The following TRPM1 variants were observed in gnomAD, a reference collection of about 807,000 sequenced individuals.
TRPM1 encodes TRPM1-203 APA Isoform, Intron 10.
In TRPM1, 113 loss-of-function variants were observed where a neutral mutation model predicts 149.4. That is an observed-to-expected ratio of 0.76 (90% confidence interval 0.65 to 0.88). The LOEUF is 0.88. Ranked by LOEUF, TRPM1 falls within the 40% of genes least tolerant of loss-of-function variation. TRPM1 has a pLI of 0.00. For synonymous variants in TRPM1, 741 were observed against 759.5 expected, an observed-to-expected ratio of 0.98 and a Z score of 0.40; for missense variants, 1,976 against 2,038.7, an observed-to-expected ratio of 0.97 and a Z score of 0.59.
intron 7 of TRPM1, among the ~76,000 whole-genome samples, chr15:31,064,834 G>A (rs1189856762): frequency 1.3e-5 from 2 of 152,158 alleles, no homozygotes; most frequent in Admixed American, 6.5e-5. Flanking sequence ...GACATGCATT[G>A]AGGGTCTGCT....
chr15:31,053,038 C>T (rs2140944082), intron 11 of TRPM1, among the ~76,000 whole-genome samples: 1 of 152,222 alleles, frequency 6.6e-6, no homozygotes, highest in South Asian at 2.1e-4. Flanking sequence ...GGTTCATAGC[C>T]AGAATATATA....
intron 1 of TRPM1, among the ~76,000 whole-genome samples, chr15:31,092,224 A>G (rs2035258989): frequency 6.6e-6 from 1 of 152,084 alleles, no homozygotes; most frequent in Non-Finnish European, 1.5e-5. Context: ...GGCAAGGCAG[A>G]GTGCAGGGTC....
At chr15:31,137,985 C>T (rs1054753556) in intron 1 of TRPM1, among the ~76,000 whole-genome samples, 3 of 152,112 alleles carry the variant, frequency 2.0e-5, no homozygotes, top group African/African-American at 2.4e-5. Context: ...CCAACTAACC[C>T]GCATGTGTGT....
At position 31,001,972 on chromosome 15, in the gene TRPM1, A is replaced by T. The variant is rs761085705; in HGVS notation, c.4728T>A (p.His1576Gln). ...GFPSLRSKSL[H>Q]GHPRNVKSIQ... ...TGGATTTCACATTCCTAGGATGTCC[A>T]TGTAAACTTTTTGACCTGAGAGATG... The change falls in exon 28 of 28, where the codon CAT becomes CAA. Residue 1576 changes from histidine (H) to glutamine (Q), a missense_variant. This residue lies in a region of TRPM1 where 572 missense variants were observed against 578.9 expected (regional missense o/e 0.99). Coordinates refer to ENST00000256552, the MANE Select transcript of TRPM1 (RefSeq NM_001252024.2). 6.2e-7 allele frequency: 1 copy of T among 1,614,186 alleles called. No individual in the cohort carries two copies. Among genetic ancestry groups the T allele is most frequent in the Non-Finnish European group, 8.5e-7 (1 of 1,180,016 alleles).
chr15:31,117,742 T>C (rs532358886), intron 1 of TRPM1, among the ~76,000 whole-genome samples: 2 of 150,764 alleles, frequency 1.3e-5, no homozygotes, highest in East Asian at 3.9e-4. Flanking sequence ...CAAGAGCAGC[T>C]GTGTAATATT....
At chr15:31,052,513 G>A (rs2033972239) in intron 11 of TRPM1, among the ~76,000 whole-genome samples, 1 of 152,190 alleles carries the variant, frequency 6.6e-6, no homozygotes, top group Non-Finnish European at 1.5e-5. Context: ...GGTAGTTCAC[G>A]TCTGTAATCC....
At chr15:31,092,638 C>T (rs897878497) in intron 1 of TRPM1, among the ~76,000 whole-genome samples, 1 of 152,228 alleles carries the variant, frequency 6.6e-6, no homozygotes, top group African/African-American at 2.4e-5. Context: ...CAGCCCAGCA[C>T]TTCCACACTG....
At chr15:31,060,357 G>A in intron 11 of TRPM1, 187 bp downstream of exon 11, 1 of 645,590 alleles carries the variant, frequency 1.5e-6, no homozygotes, top group Non-Finnish European at 2.8e-6. Flanking sequence ...TTTGAATGTG[G>A]AATTACTTCT....
At chr15:31,149,144 T>C (rs923265688) in intron 1 of TRPM1, among the ~76,000 whole-genome samples, 3 of 152,150 alleles carry the variant, frequency 2.0e-5, no homozygotes, top group Admixed American at 2.0e-4. Context: ...GGAAGGGAAC[T>C]GAGGGCTGGG....
intron 27 of TRPM1, among the ~76,000 whole-genome samples, chr15:31,023,701 G>A (rs545816045): frequency 6.6e-6 from 1 of 152,330 alleles, no homozygotes; most frequent in South Asian, 2.1e-4. Context: ...GAGCTTAATG[G>A]CGATGCCATT....
Position 31,002,672 on chromosome 15 carries a change from T to C in TRPM1, c.4028A>G (p.Gln1343Arg). ...DVKTHLVPEC[Q>R]NSLHLSLGTS... is the part of the protein sequence containing the mutation. ...GCCCAGTGAAAGGTGAAGACTGTTC[T>C]GACATTCTGGGACTAGGTGCGTTTT... is the stretch of plus-strand genomic sequence containing the variant. Residue 1343 changes from glutamine to arginine, a missense_variant, in exon 28 of 28, where the codon CAG (glutamine) becomes CGG (arginine). Physicochemically the swap from Gln to Arg is conservative, Grantham distance 43. This residue lies in a region of TRPM1 where 572 missense variants were observed against 578.9 expected (regional missense o/e 0.99). Coordinates refer to ENST00000256552, the MANE Select transcript of TRPM1 (RefSeq NM_001252024.2). 1 of 1,614,228 alleles carries C rather than the reference T, an allele frequency of 6.2e-7. No homozygotes were observed. The highest frequency in any genetic ancestry group is 8.5e-7 in the Non-Finnish European group (1 of 1,180,046).
chr15:31,150,385 G>T (rs2036283611), intron 1 of TRPM1, among the ~76,000 whole-genome samples: 1 of 151,564 alleles, frequency 6.6e-6, no homozygotes, highest in South Asian at 2.1e-4. Flanking sequence ...AGAAGAAACT[G>T]GTCAGGCAGG....
chr15:31,147,500 A>G (rs1336095508), intron 1 of TRPM1, among the ~76,000 whole-genome samples: 1 of 152,260 alleles, frequency 6.6e-6, no homozygotes, highest in African/African-American at 2.4e-5. Context: ...CTTCACAGAT[A>G]TGGAAACTCA....
chr15:31,100,217 C>T (rs1333695137), intron 1 of TRPM1, among the ~76,000 whole-genome samples: 1 of 151,876 alleles, frequency 6.6e-6, no homozygotes, highest in Non-Finnish European at 1.5e-5. Context: ...GCTGGGACTA[C>T]AGGCGCGCAC....
chr15:31,031,128 G>T lies in TRPM1; in HGVS notation c.2982C>A (p.Ile994=). The change falls in exon 23 of 28, where the codon ATC becomes ATA. Residue 994 remains isoleucine, a synonymous_variant. Coordinates refer to ENST00000256552, the MANE Select transcript of TRPM1 (RefSeq NM_001252024.2). ...CGAAACTCATGAGCACGACCAGCAT[G>T]ATGACCACAAAGTACAGCATGTCGA... ...MMIDMLYFVV[I]MLVVLMSFGV... is the part of the protein sequence containing the mutation. 1 of 1,614,232 alleles carries T rather than the reference G, an allele frequency of 6.2e-7. No individual in the cohort carries two copies. Among genetic ancestry groups the T allele is most frequent in the Non-Finnish European group, 8.5e-7 (1 of 1,180,036 alleles).
At chr15:31,059,798 A>G (rs2034175795) in intron 11 of TRPM1, among the ~76,000 whole-genome samples, 1 of 152,192 alleles carries the variant, frequency 6.6e-6, no homozygotes, top group Non-Finnish European at 1.5e-5. Context: ...ACACAAATTT[A>G]TCCTGACTCC....
intron 9 of TRPM1, 27 bp from the exon 10 acceptor site, chr15:31,061,541 A>T: frequency 6.2e-7 from 1 of 1,609,362 alleles, no homozygotes; most frequent in East Asian, 2.2e-5. Context: ...ACTGAATTAA[A>T]GCCAAGTTGA....
intron 21 of TRPM1, 70 bp from the exon 22 acceptor site, chr15:31,033,010 C>T (rs2033166010): frequency 8.8e-6 from 14 of 1,599,398 alleles, no homozygotes; most frequent in African/African-American, 4.0e-5. Context: ...AATCTTGGAA[C>T]AATAAGACTG....
In TRPM1 at chr15:31,076,980, T is replaced by G; in HGVS notation, c.8A>C (p.Gln3Pro). The part of the protein sequence containing the change: MG[Q>P]KSWIEKTFCK... ...AAAGGTTTTCTCTATCCAAGATTTC[T>G]GACCCTGGAAGAGAGAGAGAAGTGG... The change falls in exon 3 of 28, where the codon CAG becomes CCG. Residue 3 changes from glutamine to proline, a missense_variant. Coordinates refer to ENST00000256552, the MANE Select transcript of TRPM1 (RefSeq NM_001252024.2). The G allele has an allele frequency of 1.2e-6, 2 of 1,610,602 alleles. No homozygotes were observed. Among genetic ancestry groups the G allele is most frequent in the Non-Finnish European group, 1.7e-6 (2 of 1,176,888 alleles).
Sources: allele counts gnomAD v4.1 joint callset (sites outside exome capture counted in the v4.1 genomes callset), GRCh38; gene constraint gnomAD v4.1.1; regional missense constraint gnomAD v4.1.1; transcripts MANE v1.5; gene names NCBI Gene and HGNC (gene_info 2026-07-23, HGNC 2026-07-21).